Variants in IPPK observed in about 807,000 individuals in gnomAD.
IPPK encodes inositol-pentakisphosphate 2-kinase.
Under a neutral mutation model 64.6 loss-of-function variants are expected in IPPK, and 22 were observed. That is an observed-to-expected ratio of 0.34 (90% CI 0.24 to 0.49). The LOEUF (loss-of-function observed/expected upper bound fraction) is 0.49, where lower values mean the gene tolerates loss of function less well. IPPK is among the 20% of genes least tolerant of loss of function. The pLI is 0.99. For synonymous variants in IPPK, 262 were observed against 247.2 expected, an observed-to-expected ratio of 1.06 and a Z score of -0.56; for missense variants, 532 against 630.7, an observed-to-expected ratio of 0.84 and a Z score of 1.68.
At chr9:92,632,513 G>C (rs144747375) in intron 11 of IPPK, among the ~76,000 whole-genome samples, 69 of 152,290 alleles carry the variant, frequency 4.5e-4, no homozygotes, top group African/African-American at 1.6e-3. Context: ...GTGGAAAACT[G>C]AAAAATACAG....
intron 5 of IPPK, among the ~76,000 whole-genome samples, chr9:92,648,685 C>T (rs1852196605): frequency 6.6e-6 from 1 of 152,190 alleles, no homozygotes; most frequent in African/African-American, 2.4e-5. Context: ...GCAGAACATC[C>T]ACCCACAAGT....
intron 12 of IPPK, chr9:92,619,263 A>T (rs927179250): frequency 1.9e-6 from 1 of 531,246 alleles, no homozygotes; most frequent in Non-Finnish European, 3.4e-6. Flanking sequence ...TGTACTAACA[A>T]TCCTTTTAAG....
intron 12 of IPPK, chr9:92,618,508 T>C: frequency 2.2e-6 from 1 of 456,696 alleles, no homozygotes; most frequent in Non-Finnish European, 4.4e-6. Context: ...ACATTTCCAT[T>C]GCCCAGCTGC....
At chr9:92,646,674 G>C (rs1852155819) in intron 6 of IPPK, among the ~76,000 whole-genome samples, 1 of 152,204 alleles carries the variant, frequency 6.6e-6, no homozygotes, top group Non-Finnish European at 1.5e-5. Context: ...TAAAAAGCTA[G>C]AGGCCGGGCA....
rs949494293 is a variant in IPPK at position 92,630,584 on chromosome 9, A to G, written c.1170+3802T>C. ...CAGAAAAGAAGGAAAATGGAGAAATAGCTAAGCTACAAGAATGTTAGGCAG... is the reference window on the plus strand; with the variant it reads ...CAGAAAAGAAGGAAAATGGAGAAATGGCTAAGCTACAAGAATGTTAGGCAG... On this transcript the variant is annotated intron_variant, in intron 11 of 12. Transcript: ENST00000287996. 1.3e-5 allele frequency among the ~76,000 whole-genome samples: 2 copies of G among 152,210 alleles called. 1 individual carries two copies. The highest frequency in any genetic ancestry group is 1.3e-4 in the Admixed American group (2 of 15,282).
At chr9:92,634,801 C>A (rs1851908189) in intron 10 of IPPK, among the ~76,000 whole-genome samples, 1 of 152,180 alleles carries the variant, frequency 6.6e-6, no homozygotes, top group Non-Finnish European at 1.5e-5. Context: ...GTGTGGACCC[C>A]AATGACCCGC....
chr9:92,635,831 T>C lies in IPPK; in HGVS notation c.917-523A>G, dbSNP rs1341169563. On this transcript the variant is annotated intron_variant, in intron 9 of 12. Transcript: ENST00000287996. The surrounding 1 kb of genome is among the most constrained non-coding windows in gnomAD (Gnocchi z 4.4). ...AATTTCTAAGATCCTGCTGACATCCTAAATCTGCAAGACCACTAAAGGAGG... is the reference window on the plus strand; with the variant it reads ...AATTTCTAAGATCCTGCTGACATCCCAAATCTGCAAGACCACTAAAGGAGG... Among the ~76,000 whole-genome samples the C allele has an allele frequency of 6.6e-6, 1 of 152,006 alleles. No homozygotes were observed. Among genetic ancestry groups the C allele is most frequent in the African/African-American group, 2.4e-5 (1 of 41,376 alleles).
chr9:92,657,854 T>C (rs1490406730), intron 2 of IPPK, among the ~76,000 whole-genome samples: 9 of 151,748 alleles, frequency 5.9e-5, no homozygotes, highest in Non-Finnish European at 1.0e-4. Context: ...TCCCTTTCTA[T>C]GACCTCTACC....
At position 92,667,001 on chromosome 9, in the gene IPPK, TCTCCTTACCTAGGCCCTCGG is replaced by T. The variant is rs544002551; in HGVS notation, c.81+2887_81+2906del. ...TGCTGACAGCCAATGACCATGCAGA[TCTCCTTACCTAGGCCCTCGG>T]CTCCTGCAGGACGAGCTCAGGCTGG... On this transcript the variant is annotated intron_variant, in intron 1 of 12. Coordinates refer to ENST00000287996, the MANE Select transcript of IPPK (RefSeq NM_022755.6). Among the ~76,000 whole-genome samples, 25 of 152,292 alleles carry T rather than the reference TCTCCTTACCTAGGCCCTCGG, an allele frequency of 1.6e-4. No individual in the cohort carries two copies. The East Asian group carries it at 2.7e-3, about 16-fold the overall frequency.
intron 11 of IPPK, among the ~76,000 whole-genome samples, chr9:92,633,974 G>A (rs890228703): frequency 2.0e-5 from 3 of 152,200 alleles, no homozygotes; most frequent in African/African-American, 4.8e-5. Flanking sequence ...CCTTGGCCTC[G>A]GTTCTAAGGG....
intron 6 of IPPK, 41 bp downstream of exon 6, chr9:92,648,018 C>T (rs1331768125): frequency 3.5e-6 from 5 of 1,414,164 alleles, no homozygotes; most frequent in Non-Finnish European, 3.0e-6. Flanking sequence ...AGATCCCCAG[C>T]GTGCAGCTAG....
chr9:92,625,952 G>A (rs530445210), intron 11 of IPPK, among the ~76,000 whole-genome samples: 1 of 151,394 alleles, frequency 6.6e-6, no homozygotes. Context: ...AGGTTTTATT[G>A]TATCTGATAT....
At chr9:92,646,793 TA>T (rs539438947) in intron 6 of IPPK, among the ~76,000 whole-genome samples, 7 of 152,098 alleles carry the variant, frequency 4.6e-5, no homozygotes, top group Middle Eastern at 3.4e-3. Flanking sequence ...CCGTCTCTAC[TA>T]AAAATACAAA....
At chr9:92,665,322 T>C (rs1024508985) in intron 1 of IPPK, among the ~76,000 whole-genome samples, 1 of 152,236 alleles carries the variant, frequency 6.6e-6, no homozygotes, top group African/African-American at 2.4e-5. Context: ...CATAAACGTA[T>C]GTGCTTTCAG....
At chr9:92,647,720 T>C (rs1184265532) in intron 6 of IPPK, among the ~76,000 whole-genome samples, 1 of 150,956 alleles carries the variant, frequency 6.6e-6, no homozygotes, top group Non-Finnish European at 1.5e-5. Flanking sequence ...TAAAACTGAA[T>C]TATATATTTA....
intron 3 of IPPK, among the ~76,000 whole-genome samples, chr9:92,654,454 G>A (rs1241205775): frequency 6.6e-6 from 1 of 152,124 alleles, no homozygotes; most frequent in African/African-American, 2.4e-5. Context: ...CTGGGAGGTT[G>A]AGGCTGCAGT....
At chr9:92,618,022 C>G (rs141370543) in intron 12 of IPPK, 36 of 348,628 alleles carry the variant, frequency 1.0e-4, no homozygotes, top group Admixed American at 3.0e-4. Context: ...CCAGGTATCT[C>G]AAGACGCCAA....
chr9:92,656,536 A>G lies in IPPK; in HGVS notation c.145T>C (p.Phe49Leu). The part of the protein sequence containing the change: ...PNRKKTSEEI[F>L]QHLQNIVDFG... ...TCCACTATGTTCTGCAGGTGTTGAA[A>G]TATCTCTTCCGAGGTCTGTAAGAGA... The change falls in exon 3 of 13, where the codon TTT becomes CTT. Residue 49 changes from phenylalanine (F) to leucine (L), a missense_variant. Physicochemically the swap from Phe to Leu is conservative, Grantham distance 22. Transcript: ENST00000287996. 2 of 1,612,410 alleles carry G rather than the reference A, an allele frequency of 1.2e-6. No homozygotes were observed. Among genetic ancestry groups the G allele is most frequent in the African/African-American group, 1.3e-5 (1 of 75,014 alleles).
intron 12 of IPPK, chr9:92,617,792 T>C (rs41305495): frequency 0.04 from 7,278 of 180,226 alleles, 227 homozygotes; most frequent in South Asian, 0.093. Context: ...GCCGGGAAGC[T>C]GTGGCAGCTC....
Sources: allele counts gnomAD v4.1 joint callset (sites outside exome capture counted in the v4.1 genomes callset), GRCh38; gene constraint gnomAD v4.1.1; non-coding constraint Gnocchi (gnomAD v3.1); transcripts MANE v1.5; gene names NCBI Gene and HGNC (gene_info 2026-07-23, HGNC 2026-07-21).